The following SORBS2 variants were observed in gnomAD, a reference collection of about 807,000 sequenced individuals.
SORBS2 encodes the protein sorbin and SH3 domain containing 2.
A neutral mutation model predicts 97.7 loss-of-function variants in SORBS2; 46 were observed. The ratio of observed to expected loss-of-function variants is 0.47; its 90% confidence interval spans 0.37 to 0.60. The LOEUF is 0.60. SORBS2 is among the 20% of genes least tolerant of loss of function. SORBS2 has a pLI of 0.00. For missense variants in SORBS2, 1,316 were observed against 1,282.3 expected (o/e 1.03, Z -0.40); for synonymous variants, 476 against 473.4 (o/e 1.01, Z -0.07).
intron 1 of SORBS2, among the ~76,000 whole-genome samples, chr4:185,940,507 T>C (rs952695228): frequency 2.6e-5 from 4 of 152,174 alleles, no homozygotes; most frequent in Non-Finnish European, 5.9e-5. Flanking sequence ...CTCACTGGAC[T>C]TGCATTCCGC....
intron 1 of SORBS2, among the ~76,000 whole-genome samples, chr4:185,891,879 G>A (rs982464262): frequency 4.6e-5 from 7 of 152,054 alleles, no homozygotes; most frequent in African/African-American, 1.7e-4. Flanking sequence ...CTGTCTCCAG[G>A]TTGGGAGTGC....
At chr4:185,756,230 G>T (rs1432377157) in intron 2 of SORBS2, among the ~76,000 whole-genome samples, 1 of 151,942 alleles carries the variant, frequency 6.6e-6, no homozygotes, top group Non-Finnish European at 1.5e-5. Flanking sequence ...GTCCTTACAA[G>T]TCATGACTCA....
intron 2 of SORBS2, among the ~76,000 whole-genome samples, chr4:185,691,136 G>A (rs772489789): frequency 9.9e-5 from 15 of 152,092 alleles, no homozygotes; most frequent in Non-Finnish European, 1.6e-4. Context: ...TCCTGACGTC[G>A]TGATCCACCT....
chr4:185,681,547 G>A (rs550826270), intron 2 of SORBS2, among the ~76,000 whole-genome samples: 1 of 152,262 alleles, frequency 6.6e-6, no homozygotes, highest in Non-Finnish European at 1.5e-5. Context: ...TTAATTTCTA[G>A]TGTTCTTTAG....
At chr4:185,704,835 G>A (rs769858432) in intron 2 of SORBS2, among the ~76,000 whole-genome samples, 26 of 152,206 alleles carry the variant, frequency 1.7e-4, no homozygotes, top group Non-Finnish European at 3.2e-4. Flanking sequence ...TAGTCCTTTT[G>A]ATTTTGCACA....
intron 1 of SORBS2, among the ~76,000 whole-genome samples, chr4:185,943,349 C>CA (rs943813030): frequency 2.0e-5 from 3 of 152,118 alleles, no homozygotes; most frequent in Admixed American, 1.3e-4. Context: ...CCACCTTAAC[C>CA]AAAAAATCAA....
intron 4 of SORBS2, among the ~76,000 whole-genome samples, chr4:185,636,716 C>T (rs2153441155): frequency 6.6e-6 from 1 of 150,572 alleles, no homozygotes; most frequent in Admixed American, 6.6e-5. Flanking sequence ...TGGCGTGATC[C>T]CAGCTCACTG....
intron 2 of SORBS2, among the ~76,000 whole-genome samples, chr4:185,747,563 A>G (rs988008951): frequency 2.6e-5 from 4 of 152,144 alleles, no homozygotes; most frequent in African/African-American, 9.7e-5. Flanking sequence ...GGGGCAGCAC[A>G]AGCTTCCAGG....
intron 13 of SORBS2, among the ~76,000 whole-genome samples, chr4:185,591,087 A>ACCAAATCTTATG (rs2095917856): frequency 1.0e-5 from 1 of 96,308 alleles, no homozygotes; most frequent in Non-Finnish European, 2.1e-5. Context: ...AAACTATTCT[A>ACCAAATCTTATG]TCATTTAAAC....
chr4:185,736,674 T>G (rs929211168), intron 2 of SORBS2, among the ~76,000 whole-genome samples: 2 of 152,164 alleles, frequency 1.3e-5, no homozygotes, highest in African/African-American at 4.8e-5. Flanking sequence ...CCTGGGGTCT[T>G]GCTTGGCTCA....
intron 1 of SORBS2, among the ~76,000 whole-genome samples, chr4:185,837,437 T>C (rs527982107): frequency 2.0e-5 from 3 of 152,354 alleles, no homozygotes; most frequent in African/African-American, 7.2e-5. Context: ...TGCTTGTATT[T>C]AATAGTTTTT....
intron 2 of SORBS2, among the ~76,000 whole-genome samples, chr4:185,768,189 T>A (rs1386365381): frequency 6.6e-6 from 1 of 152,210 alleles, no homozygotes; most frequent in Admixed American, 6.5e-5. Context: ...AGACTGTTCA[T>A]CTGCCTGTGG....
intron 2 of SORBS2, among the ~76,000 whole-genome samples, chr4:185,749,376 C>T (rs1239013275): frequency 6.6e-6 from 1 of 152,234 alleles, no homozygotes; most frequent in African/African-American, 2.4e-5. Context: ...TTTTGATCTT[C>T]CTGCCTTCTT....
intron 4 of SORBS2, among the ~76,000 whole-genome samples, chr4:185,636,222 C>T (rs2096998167): frequency 6.6e-6 from 1 of 152,062 alleles, no homozygotes; most frequent in Non-Finnish European, 1.5e-5. Context: ...GAATGTTTTT[C>T]CTTGAAATAA....
chr4:185,874,710 A>G (rs2099232338), intron 1 of SORBS2, among the ~76,000 whole-genome samples: 1 of 152,100 alleles, frequency 6.6e-6, no homozygotes, highest in Non-Finnish European at 1.5e-5. Flanking sequence ...TATGTATTTC[A>G]TCATTGTGTT....
intron 1 of SORBS2, among the ~76,000 whole-genome samples, chr4:185,947,600 C>CT (rs2099275131): frequency 1.6e-5 from 2 of 128,668 alleles, no homozygotes; most frequent in African/African-American, 5.8e-5. Flanking sequence ...TACAAAATCT[C>CT]TTTTTTCTTG....
Position 185,720,827 on chromosome 4 carries a change from C to T in SORBS2, c.-197-42005G>A, listed in dbSNP as rs75645262. Reference sequence around the variant, plus strand: ...GATAATTCACCCCTTGAAATGAGGCCGTGTGGGATGAGCAACCTTGAACCA... The same window carrying T: ...GATAATTCACCCCTTGAAATGAGGCTGTGTGGGATGAGCAACCTTGAACCA... On this transcript the variant is annotated intron_variant, in intron 2 of 20. Coordinates refer to the SORBS2 transcript ENST00000284776. Among the ~76,000 whole-genome samples, 925 of 152,168 alleles carry T rather than the reference C, an allele frequency of 6.1e-3. 5 individuals are homozygous for T. Among genetic ancestry groups the T allele is most frequent in the Middle Eastern group, 0.014 (4 of 294 alleles).
At chr4:185,949,321 C>T (rs972105259) in intron 1 of SORBS2, among the ~76,000 whole-genome samples, 1 of 152,066 alleles carries the variant, frequency 6.6e-6, no homozygotes, top group African/African-American at 2.4e-5. Context: ...TGGACTGGAC[C>T]CGAGCAGAAA....
intron 4 of SORBS2, among the ~76,000 whole-genome samples, chr4:185,668,785 T>C (rs539082013): frequency 1.3e-5 from 2 of 152,272 alleles, no homozygotes; most frequent in South Asian, 4.2e-4. Context: ...ATCCTAATTG[T>C]TTTAGGTCTC....
Sources: gnomAD v4.1 joint callset for allele counts (sites outside exome capture counted in the v4.1 genomes callset) on GRCh38, gnomAD v4.1.1 for gene constraint, MANE v1.5 for transcripts, NCBI Gene and HGNC (gene_info 2026-07-23, HGNC 2026-07-21) for gene names.